Variants in TIAM2 observed in about 807,000 individuals in gnomAD.
TIAM2 encodes the protein rho guanine nucleotide exchange factor TIAM2.
Under a neutral mutation model 152.9 loss-of-function variants are expected in TIAM2, and 80 were observed. The observed-to-expected ratio is 0.52, with a 90% CI of 0.44 to 0.63. The LOEUF (loss-of-function observed/expected upper bound fraction) is 0.63, where lower values mean the gene tolerates loss of function less well. Ranked by LOEUF, TIAM2 falls within the 30% of genes least tolerant of loss-of-function variation. TIAM2 has a pLI of 0.00. For synonymous variants in TIAM2, 804 were observed against 838.0 expected (o/e 0.96, Z 0.70); for missense variants, 1,965 against 2,120.1 (o/e 0.93, Z 1.44).
chr6:155,092,060 G>A (rs2114981108), intron 2 of TIAM2, among the ~76,000 whole-genome samples: 2 of 152,138 alleles, frequency 1.3e-5, no homozygotes, highest in South Asian at 4.2e-4. Context: ...ACTGGGCCCG[G>A]CTAGTTTTTT....
chr6:155,217,078 T>G, intron 15 of TIAM2: 1 of 1,289,580 alleles, frequency 7.8e-7, no homozygotes, highest in Non-Finnish European at 1.0e-6. Flanking sequence ...CTTTTCCTTT[T>G]TATGTACAGC....
intron 9 of TIAM2, among the ~76,000 whole-genome samples, chr6:155,165,680 C>A (rs112388053): frequency 6.6e-6 from 1 of 152,062 alleles, no homozygotes; most frequent in Admixed American, 6.6e-5. Flanking sequence ...CCCAGCTACT[C>A]GGGAAGCTGA....
intron 4 of TIAM2, 41 bp downstream of exon 4, chr6:155,130,458 T>A: frequency 3.2e-6 from 5 of 1,560,644 alleles, no homozygotes; most frequent in Non-Finnish European, 4.3e-6. Context: ...CCCCACAGTT[T>A]CCCCACCTGG....
At chr6:155,251,826 T>C in intron 22 of TIAM2, 119 bp from the exon 23 acceptor site, 1 of 747,048 alleles carries the variant, frequency 1.3e-6, no homozygotes, top group East Asian at 2.7e-5. Context: ...GTTGGCAGAG[T>C]GAGGTCTTAG....
chr6:155,117,228 G>A (rs73573795), intron 2 of TIAM2, among the ~76,000 whole-genome samples: 9,726 of 152,004 alleles, frequency 0.064, 536 homozygotes, highest in African/African-American at 0.15. Context: ...CAGCCCCTGA[G>A]CCAGAATAGG....
chr6:155,059,814 A>AT (rs1777536785), intron 1 of TIAM2, among the ~76,000 whole-genome samples: 1 of 152,020 alleles, frequency 6.6e-6, no homozygotes, highest in Admixed American at 6.6e-5. Flanking sequence ...TCAAGTCACT[A>AT]TTTTTTGTTT....
At chr6:155,127,136 C>T (rs1399536608) in intron 2 of TIAM2, among the ~76,000 whole-genome samples, 1 of 152,250 alleles carries the variant, frequency 6.6e-6, no homozygotes, top group Non-Finnish European at 1.5e-5. Context: ...AGGGCCACCT[C>T]TCGTCACACA....
At chr6:155,084,586 AT>A (rs113604069) in intron 1 of TIAM2, among the ~76,000 whole-genome samples, 1 of 151,908 alleles carries the variant, frequency 6.6e-6, no homozygotes, top group South Asian at 2.1e-4. Flanking sequence ...CTGGCCATTG[AT>A]TTTTTTTGGT....
At chr6:155,241,368 C>T (rs1474689781) in intron 16 of TIAM2, among the ~76,000 whole-genome samples, 1 of 152,192 alleles carries the variant, frequency 6.6e-6, no homozygotes, top group Non-Finnish European at 1.5e-5. Context: ...TTGAAGCTCG[C>T]TTCATTTGTC....
At chr6:155,123,942 A>G (rs923290476) in intron 2 of TIAM2, among the ~76,000 whole-genome samples, 5 of 152,208 alleles carry the variant, frequency 3.3e-5, no homozygotes, top group African/African-American at 1.2e-4. Context: ...TCCCTCAGTT[A>G]AAAAATGAAA....
intron 1 of TIAM2, among the ~76,000 whole-genome samples, chr6:155,044,457 G>A (rs1178987786): frequency 6.6e-6 from 1 of 152,112 alleles, no homozygotes; most frequent in Admixed American, 6.5e-5. Context: ...TTGGTCAGCT[G>A]GGGAAACTTT....
chr6:155,072,453 G>T (rs955231060), intron 1 of TIAM2, among the ~76,000 whole-genome samples: 1 of 152,168 alleles, frequency 6.6e-6, no homozygotes, highest in Non-Finnish European at 1.5e-5. Flanking sequence ...TGTGCATGAT[G>T]AGGGAAAGGA....
intron 1 of TIAM2, among the ~76,000 whole-genome samples, chr6:155,005,505 A>C (rs4304172): frequency 6.6e-6 from 1 of 151,132 alleles, no homozygotes; most frequent in Non-Finnish European, 1.5e-5. Flanking sequence ...ATGCCTGGCT[A>C]ATTTTTGTAT....
chr6:155,063,160 G>A (rs1053595486), intron 1 of TIAM2, among the ~76,000 whole-genome samples: 3 of 151,972 alleles, frequency 2.0e-5, no homozygotes, highest in African/African-American at 7.3e-5. Flanking sequence ...AGATTTAGTG[G>A]CAAGGCAACA....
intron 21 of TIAM2, chr6:155,250,537 G>A (rs1189623737): frequency 2.0e-6 from 3 of 1,535,722 alleles, no homozygotes; most frequent in East Asian, 2.4e-5. Context: ...TCTTTTATCA[G>A]CAGCCCGAAT....
At chr6:155,206,341 G>A (rs1009048745) in intron 14 of TIAM2, among the ~76,000 whole-genome samples, 3 of 152,204 alleles carry the variant, frequency 2.0e-5, no homozygotes, top group Non-Finnish European at 1.5e-5. Context: ...TCCACCTCCC[G>A]GGTTCAAGTG....
chr6:155,162,018 C>T (rs1271219503), intron 7 of TIAM2, among the ~76,000 whole-genome samples: 2 of 151,310 alleles, frequency 1.3e-5, no homozygotes, highest in Non-Finnish European at 2.9e-5. Flanking sequence ...ACTGCAATGG[C>T]GTGATCTCAA....
Position 155,186,518 on chromosome 6 carries a change from C to A in TIAM2, c.3064+3018C>A, listed in dbSNP as rs1440829584. On this transcript the variant is annotated intron_variant, in intron 14 of 26. Coordinates refer to ENST00000682666, the MANE Select transcript of TIAM2 (RefSeq NM_012454.4). This position sits in a 1 kb window ranked among gnomAD's most constrained non-coding sequence, Gnocchi z 4.5. ...GACTCAGACTCTGCTTTTAGGGGAG[C>A]CCGAATGAAGATGCTGAGCCTCACT... Among the ~76,000 whole-genome samples the A allele has an allele frequency of 1.3e-5, 2 of 152,122 alleles. No individual in the cohort carries two copies. Among genetic ancestry groups the A allele is most frequent in the African/African-American group, 4.8e-5 (2 of 41,414 alleles).
chr6:155,038,366 C>A (rs960182373), intron 1 of TIAM2, among the ~76,000 whole-genome samples: 1 of 152,144 alleles, frequency 6.6e-6, no homozygotes, highest in African/African-American at 2.4e-5. Context: ...GTTCCCAGTC[C>A]TGCCTGCATT....
Sources: allele counts gnomAD v4.1 joint callset (sites outside exome capture counted in the v4.1 genomes callset), GRCh38; gene constraint gnomAD v4.1.1; non-coding constraint Gnocchi (gnomAD v3.1); transcripts MANE v1.5; gene names NCBI Gene and HGNC (gene_info 2026-07-23, HGNC 2026-07-21).